The following AHSP variants were observed in gnomAD, a reference collection of about 807,000 sequenced individuals.
AHSP encodes alpha hemoglobin stabilizing protein, also known as alpha-hemoglobin-stabilizing protein.
AHSP carries 5 observed loss-of-function variants against 2.7 expected under a neutral mutation model. The observed-to-expected ratio is 1.86, with a 90% CI of 0.97 to 3.92. AHSP has a LOEUF of 3.92. Among genes scored for constraint, AHSP ranks in the 30% most tolerant of loss-of-function variants. AHSP has a pLI of 0.00. For missense variants in AHSP, 134 were observed against 119.8 expected (o/e 1.12, Z -0.55); for synonymous variants, 50 against 48.4 (o/e 1.03, Z -0.14).
At position 31,528,658 on chromosome 16, in the gene AHSP, T is replaced by C. The variant is rs1295466768; in HGVS notation, c.276T>C (p.His92=). ...AGTACAGGGACTTCCTGAAGTCTCA[T>C]GAGCTCCCGAGTCACCCACCGCCCT... is the stretch of plus-strand genomic sequence containing the variant. ...LAKYRDFLKS[H]ELPSHPPPSS is the part of the protein sequence containing the mutation. Residue 92 remains histidine (H), a synonymous_variant, in exon 3 of 3, where the codon CAT becomes CAC. Coordinates refer to ENST00000302312, the MANE Select transcript of AHSP (RefSeq NM_016633.4). 6.2e-7 allele frequency: 1 copy of C among 1,613,496 alleles called. No individual in the cohort carries two copies. Among genetic ancestry groups the C allele is most frequent in the African/African-American group, 1.3e-5 (1 of 74,888 alleles).
In AHSP at chr16:31,528,569, C is replaced by T. The variant is rs576794157; in HGVS notation, c.187C>T (p.Arg63Ter). Residue 63 changes from arginine (R) to a stop codon, truncating the protein, a stop_gained, in exon 3 of 3, where the codon CGA becomes TGA. Transcript: ENST00000302312. LOFTEE classifies it low-confidence loss of function (END_TRUNC). ...RQQVTGEPQERDKALQELRQE... is the reference protein window; with the variant it reads ...RQQVTGEPQE The stretch of plus-strand genomic sequence containing the variant: ...GCAGGTGACAGGGGAGCCCCAAGAG[C>T]GAGACAAGGCTCTGCAGGAGCTTCG... 10 of 1,614,118 alleles carry T rather than the reference C, an allele frequency of 6.2e-6. No homozygotes were observed. In the South Asian group the frequency reaches 7.7e-5, roughly 12 times the overall value.
intron 1 of AHSP, 30 bp downstream of exon 1, chr16:31,527,992 C>T: frequency 1.4e-6 from 1 of 728,728 alleles, no homozygotes; most frequent in Non-Finnish European, 2.5e-6. Flanking sequence ...ATCGTGACCT[C>T]AGAGCAGGGC....
In AHSP at chr16:31,528,172, T is replaced by C; in HGVS notation, c.33T>C (p.Ile11=). 6.2e-7 allele frequency: 1 copy of C among 1,614,096 alleles called. No individual in the cohort carries two copies. The highest frequency in any genetic ancestry group is 8.5e-7 in the Non-Finnish European group (1 of 1,180,014). Residue 11 remains isoleucine, a synonymous_variant, in exon 2 of 3, where the codon ATT becomes ATC. Transcript: ENST00000302312. MALLKANKDL[I]SAGLKEFSVL... ...TTCTTAAGGCCAATAAGGATCTCATTTCCGCAGGATTGAAGGAGTTCAGCG... is the reference window on the plus strand; with the variant it reads ...TTCTTAAGGCCAATAAGGATCTCATCTCCGCAGGATTGAAGGAGTTCAGCG...
rs1247686461 is a variant in AHSP at position 31,528,209 on chromosome 16, C to T, written c.70C>T (p.Gln24Ter). 5 of 1,613,662 alleles carry T rather than the reference C, an allele frequency of 3.1e-6. No individual in the cohort carries two copies. The African/African-American group carries it at 5.3e-5, about 17-fold the overall frequency. ...GAAGGAGTTCAGCGTTCTGCTGAAT[C>T]AGCAGGTGAGTCCAAGCTTTCCATT... Reference protein sequence around the residue: ...GLKEFSVLLNQQVFNDPLVSE... With the variant: ...GLKEFSVLLN Residue 24 changes from glutamine to a stop codon, truncating the protein, a stop_gained, in exon 2 of 3, where the codon CAG (glutamine) becomes TAG (stop). Transcript: ENST00000302312. LOFTEE classifies it low-confidence loss of function (END_TRUNC).
rs1231635353 is a variant in AHSP at position 31,527,974 on chromosome 16, C to T, written c.-5+12C>T. 3 of 687,816 alleles carry T rather than the reference C, an allele frequency of 4.4e-6. No individual in the cohort carries two copies. Among genetic ancestry groups the T allele is most frequent in the Non-Finnish European group, 7.9e-6 (3 of 378,934 alleles). The allele number at this position is 687,816 out of a possible 1,614,324, so 42.6% of individuals were successfully genotyped here. On this transcript the variant is annotated intron_variant, in intron 1 of 2. Coordinates refer to ENST00000302312, the MANE Select transcript of AHSP (RefSeq NM_016633.4). Reference sequence around the variant, plus strand: ...TGTTAGACCTGAAGGTGAGCCCAACCTGGGAAAATCGTGACCTCAGAGCAG... The same window carrying T: ...TGTTAGACCTGAAGGTGAGCCCAACTTGGGAAAATCGTGACCTCAGAGCAG...
At position 31,528,630 on chromosome 16, in the gene AHSP, C is replaced by A. The variant is rs764924473; in HGVS notation, c.248C>A (p.Ala83Asp). Residue 83 changes from alanine (A) to aspartate (D), a missense_variant, in exon 3 of 3, where the codon GCC becomes GAC. Transcript: ENST00000302312. ...ELNTLANPFLAKYRDFLKSHE... is the reference protein window; with the variant it reads ...ELNTLANPFLDKYRDFLKSHE... ...AACACTCTGGCCAACCCTTTCCTGGCCAAGTACAGGGACTTCCTGAAGTCT... is the reference window on the plus strand; with the variant it reads ...AACACTCTGGCCAACCCTTTCCTGGACAAGTACAGGGACTTCCTGAAGTCT... 1 of 1,614,042 alleles carries A rather than the reference C, an allele frequency of 6.2e-7. No individual in the cohort carries two copies. Among genetic ancestry groups the A allele is most frequent in the Non-Finnish European group, 8.5e-7 (1 of 1,180,016 alleles).
chr16:31,528,008 G>C (rs1316095018), intron 1 of AHSP, 46 bp downstream of exon 1: 1 of 789,678 alleles, frequency 1.3e-6, no homozygotes, highest in African/African-American at 1.7e-5. Context: ...AGGGCAGGAT[G>C]TGAAAGGTTT....
intron 2 of AHSP, 42 bp from the exon 3 acceptor site, chr16:31,528,416 A>C (rs1159686090): frequency 1.3e-6 from 2 of 1,556,416 alleles, no homozygotes; most frequent in Non-Finnish European, 1.8e-6. Context: ...CCCATTGCTG[A>C]CCACATTCTC....
chr16:31,528,315 G>C, intron 2 of AHSP, 101 bp downstream of exon 2: 1 of 1,352,404 alleles, frequency 7.4e-7, no homozygotes, highest in South Asian at 1.2e-5. Context: ...TAATGGTGGA[G>C]TTGATGGAAA....
Position 31,528,528 on chromosome 16 carries a change from T to G in AHSP, c.146T>G (p.Ile49Ser), listed in dbSNP as rs752504817. ...GTGGAGGACTGGATGAACTTCTACA[T>G]CAACTATTACAGGCAGCAGGTGACA... ...TVVEDWMNFY[I>S]NYYRQQVTGE... The change falls in exon 3 of 3, where the codon ATC becomes AGC. Residue 49 changes from isoleucine (I) to serine (S), a missense_variant. Coordinates refer to ENST00000302312, the MANE Select transcript of AHSP (RefSeq NM_016633.4). The G allele has an allele frequency of 5.6e-6, 9 of 1,613,986 alleles. No individual in the cohort carries two copies. The Admixed American group carries it at 1.3e-4, about 24-fold the overall frequency.
chr16:31,527,972 A>C lies in AHSP; in HGVS notation c.-5+10A>C, dbSNP rs928170139. On this transcript the variant is annotated intron_variant, in intron 1 of 2. Coordinates refer to ENST00000302312, the MANE Select transcript of AHSP (RefSeq NM_016633.4). The stretch of plus-strand genomic sequence containing the variant: ...CCTGTTAGACCTGAAGGTGAGCCCA[A>C]CCTGGGAAAATCGTGACCTCAGAGC... The C allele has an allele frequency of 1.3e-5, 9 of 685,324 alleles. No homozygotes were observed. In the African/African-American group the frequency reaches 1.6e-4, roughly 12 times the overall value. 42.5% of individuals were successfully genotyped at this position (685,324 alleles called of 1,614,324 possible).
intron 2 of AHSP, 59 bp from the exon 3 acceptor site, chr16:31,528,399 C>T (rs889333072): frequency 5.8e-5 from 86 of 1,477,612 alleles, no homozygotes; most frequent in Non-Finnish European, 7.7e-5. Context: ...TTCTAGTATT[C>T]CCGAATCCCA....
chr16:31,528,566 G>A lies in AHSP; in HGVS notation c.184G>A (p.Glu62Lys), dbSNP rs749437341. ...GCAGCAGGTGACAGGGGAGCCCCAA[G>A]AGCGAGACAAGGCTCTGCAGGAGCT... ...YRQQVTGEPQ[E>K]RDKALQELRQ... is the part of the protein sequence containing the mutation. Residue 62 changes from glutamate to lysine, a missense_variant, in exon 3 of 3, where the codon GAG (glutamate) becomes AAG (lysine). Glu to Lys is a moderately conservative substitution (Grantham distance 56). Coordinates refer to ENST00000302312, the MANE Select transcript of AHSP (RefSeq NM_016633.4). 1.9e-6 allele frequency: 3 copies of A among 1,614,152 alleles called. No homozygotes were observed. The South Asian group carries it at 3.3e-5, about 18-fold the overall frequency.
At position 31,528,697 on chromosome 16, in the gene AHSP, G is replaced by A; in HGVS notation, c.*6G>A. The A allele has an allele frequency of 6.2e-7, 1 of 1,609,618 alleles. No individual in the cohort carries two copies. On this transcript the variant is annotated 3_prime_UTR_variant, in exon 3 of 3. Transcript: ENST00000302312. The stretch of plus-strand genomic sequence containing the variant: ...ACCCACCGCCCTCCTCCTAGCTCAG[G>A]GACCCAGCCCCTCCTCTCTGAGAAA...
chr16:31,528,632 A>G lies in AHSP; in HGVS notation c.250A>G (p.Lys84Glu). 1.2e-6 allele frequency: 2 copies of G among 1,614,042 alleles called. No individual in the cohort carries two copies. The highest frequency in any genetic ancestry group is 3.3e-5 in the Admixed American group (2 of 60,026). Residue 84 changes from lysine (K) to glutamate (E), a missense_variant, in exon 3 of 3, where the codon AAG becomes GAG. Lys to Glu is a moderately conservative substitution (Grantham distance 56, BLOSUM62 1). Transcript: ENST00000302312. ...LNTLANPFLA[K>E]YRDFLKSHEL... ...CACTCTGGCCAACCCTTTCCTGGCC[A>G]AGTACAGGGACTTCCTGAAGTCTCA...
At chr16:31,528,296 C>T in intron 2 of AHSP, 82 bp downstream of exon 2, 1 of 1,407,056 alleles carries the variant, frequency 7.1e-7, no homozygotes, top group South Asian at 1.2e-5. Flanking sequence ...ATAATTGGAG[C>T]TGGTGAAGTA....
intron 2 of AHSP, 63 bp downstream of exon 2, chr16:31,528,277 AG>A (rs1163371689): frequency 6.7e-7 from 1 of 1,500,054 alleles, no homozygotes; most frequent in Admixed American, 1.7e-5. Context: ...GGGGAAGTGG[AG>A]GAAGAGGATA....
intron 1 of AHSP, 59 bp from the exon 2 acceptor site, chr16:31,528,077 G>A: frequency 2.9e-6 from 4 of 1,386,576 alleles, no homozygotes; most frequent in Admixed American, 1.7e-5. Context: ...AGTGGGTTGG[G>A]GGAAATACCC....
rs746019452 is a variant in AHSP, at chr16:31,528,677, C to A, written c.295C>A (p.Pro99Thr). The A allele has an allele frequency of 2.5e-6, 4 of 1,612,734 alleles. No individual in the cohort carries two copies. Among genetic ancestry groups the A allele is most frequent in the Non-Finnish European group, 3.4e-6 (4 of 1,179,952 alleles). Residue 99 changes from proline (P) to threonine (T), a missense_variant, in exon 3 of 3, where the codon CCG becomes ACG. Physicochemically the swap from Pro to Thr is conservative, Grantham distance 38 (BLOSUM62 -1). Transcript: ENST00000302312. Reference protein sequence around the residue: ...LKSHELPSHPPPSS With the variant: ...LKSHELPSHPTPSS ...GTCTCATGAGCTCCCGAGTCACCCA[C>A]CGCCCTCCTCCTAGCTCAGGGACCC...
Sources: gnomAD v4.1 joint callset for allele counts on GRCh38, gnomAD v4.1.1 for gene constraint, MANE v1.5 for transcripts, NCBI Gene and HGNC (gene_info 2026-07-23, HGNC 2026-07-21) for gene names.